The following ANXA13 variants were observed in gnomAD, a reference collection of about 807,000 sequenced individuals.
The protein encoded by ANXA13 is annexin A13.
A neutral mutation model predicts 46.6 loss-of-function variants in ANXA13; 36 were observed. The ratio of observed to expected loss-of-function variants is 0.77; its 90% CI spans 0.59 to 1.02. The LOEUF (loss-of-function observed/expected upper bound fraction) is 1.02. ANXA13 is among the 50% of genes least tolerant of loss of function. ANXA13 has a pLI of 0.00. For missense variants in ANXA13, 417 were observed against 396.5 expected, an observed-to-expected ratio of 1.05 and a Z score of -0.44; for synonymous variants, 163 against 152.9, an observed-to-expected ratio of 1.07 and a Z score of -0.49.
At chr8:123,681,449 G>T in intron 10 of ANXA13, 90 bp from the exon 11 acceptor site, 3 of 1,308,122 alleles carry the variant, frequency 2.3e-6, no homozygotes, top group Middle Eastern at 1.9e-4. Flanking sequence ...ATACTCATTT[G>T]CTCATTCATG....
chr8:123,681,621 T>TC (rs1416654845), intron 10 of ANXA13, among the ~76,000 whole-genome samples: 1 of 42,242 alleles, frequency 2.4e-5, no homozygotes, highest in Non-Finnish European at 4.7e-5. Flanking sequence ...TTGAATTTCT[T>TC]TTTTTTTTTT....
intron 1 of ANXA13, among the ~76,000 whole-genome samples, chr8:123,730,438 C>T (rs1814093763): frequency 1.3e-5 from 2 of 152,106 alleles, no homozygotes; most frequent in South Asian, 4.1e-4. Flanking sequence ...GAAAGCCTTC[C>T]AAGGAACTCT....
chr8:123,732,219 A>T (rs1814131753), intron 1 of ANXA13, among the ~76,000 whole-genome samples: 1 of 152,204 alleles, frequency 6.6e-6, no homozygotes, highest in Admixed American at 6.5e-5. Flanking sequence ...TCTTTGCCTT[A>T]CTTTCCCCAT....
chr8:123,727,285 T>A (rs1186823301), intron 1 of ANXA13, among the ~76,000 whole-genome samples: 2 of 152,224 alleles, frequency 1.3e-5, no homozygotes, highest in Non-Finnish European at 2.9e-5. Flanking sequence ...GCTGCTGCTG[T>A]CATCAACAGG....
chr8:123,707,510 C>T (rs922483816), intron 2 of ANXA13, among the ~76,000 whole-genome samples: 2 of 152,048 alleles, frequency 1.3e-5, no homozygotes, highest in African/African-American at 4.8e-5. Context: ...GAATACTATG[C>T]AGCCATAAAA....
chr8:123,731,106 C>T (rs1308443994), intron 1 of ANXA13, among the ~76,000 whole-genome samples: 1 of 152,196 alleles, frequency 6.6e-6, no homozygotes, highest in African/African-American at 2.4e-5. Context: ...AAGGCTTGTT[C>T]AGATGCAGAT....
chr8:123,719,901 G>C (rs1813829073), intron 1 of ANXA13, among the ~76,000 whole-genome samples: 1 of 152,192 alleles, frequency 6.6e-6, no homozygotes, highest in African/African-American at 2.4e-5. Flanking sequence ...CCTGTGCATG[G>C]GGTGGTGTGC....
At chr8:123,720,177 G>C (rs979646703) in intron 1 of ANXA13, among the ~76,000 whole-genome samples, 2 of 152,288 alleles carry the variant, frequency 1.3e-5, no homozygotes, top group African/African-American at 4.8e-5. Context: ...TGTGAGCCAG[G>C]AGGGGCCCCC....
intron 9 of ANXA13, among the ~76,000 whole-genome samples, chr8:123,687,540 A>T (rs1171472883): frequency 6.6e-6 from 1 of 152,102 alleles, no homozygotes; most frequent in Non-Finnish European, 1.5e-5. Context: ...AATGCCAGGG[A>T]TTTTTAGGCC....
intron 1 of ANXA13, among the ~76,000 whole-genome samples, chr8:123,722,917 CT>C (rs1813912224): frequency 6.6e-6 from 1 of 152,080 alleles, no homozygotes; most frequent in African/African-American, 2.4e-5. Flanking sequence ...GTATCTTTCC[CT>C]TCAAGTAGAG....
At chr8:123,735,824 G>A (rs904842896) in intron 1 of ANXA13, 1 of 1,612,144 alleles carries the variant, frequency 6.2e-7, no homozygotes, top group African/African-American at 1.3e-5. Context: ...TCGAGGGTTG[G>A]GAGTCCCCTT....
intron 2 of ANXA13, among the ~76,000 whole-genome samples, chr8:123,711,425 C>T (rs181482553): frequency 6.6e-6 from 1 of 152,194 alleles, no homozygotes; most frequent in African/African-American, 2.4e-5. Context: ...GATCCCAGGG[C>T]CTCTCTTCAT....
intron 8 of ANXA13, among the ~76,000 whole-genome samples, chr8:123,689,577 G>A (rs553621839): frequency 1.5e-4 from 23 of 152,262 alleles, no homozygotes; most frequent in Admixed American, 1.5e-3. Context: ...TCACTCTGGG[G>A]TGATTCCAAA....
rs149990280 is a variant in ANXA13 at position 123,730,506 on chromosome 8, G to C, written c.15+6814C>G. 3.3e-5 allele frequency among the ~76,000 whole-genome samples: 5 copies of C among 152,214 alleles called. No homozygotes were observed. In the East Asian group the frequency reaches 9.7e-4, roughly 29 times the overall value. ...AAGGAAATAAAATCTAATTTCCTTA[G>C]TGTCGTAGGTTGAACAGTATCACCC... is the stretch of plus-strand genomic sequence containing the variant. On this transcript the variant is annotated intron_variant, in intron 1 of 10. Coordinates refer to ENST00000419625, the MANE Select transcript of ANXA13 (RefSeq NM_004306.4).
chr8:123,717,755 C>G (rs968218189), intron 1 of ANXA13, among the ~76,000 whole-genome samples: 4 of 152,200 alleles, frequency 2.6e-5, no homozygotes, highest in Admixed American at 6.5e-5. Context: ...TGGCTGCACT[C>G]TAGTAGGGAG....
At chr8:123,712,083 C>T (rs2129897360) in intron 2 of ANXA13, 1 of 154,874 alleles carries the variant, frequency 6.5e-6, no homozygotes, top group Middle Eastern at 3.4e-3. Context: ...ATAATTCCCA[C>T]ATGTTGTGGG....
intron 1 of ANXA13, among the ~76,000 whole-genome samples, chr8:123,717,994 C>G (rs1311963267): frequency 6.6e-6 from 1 of 152,236 alleles, no homozygotes; most frequent in Admixed American, 6.5e-5. Context: ...TCGCTTGCGC[C>G]CAGAGAAAGA....
At chr8:123,718,122 A>G (rs1023079455) in intron 1 of ANXA13, among the ~76,000 whole-genome samples, 5 of 152,358 alleles carry the variant, frequency 3.3e-5, no homozygotes, top group African/African-American at 9.6e-5. Context: ...GGATAATAAT[A>G]GTTCCTACCA....
At chr8:123,701,203 G>T (rs190805724) in intron 3 of ANXA13, among the ~76,000 whole-genome samples, 1 of 152,152 alleles carries the variant, frequency 6.6e-6, no homozygotes, top group African/African-American at 2.4e-5. Context: ...GGCCAGGCAC[G>T]GTGGCTCACA....
Sources: allele counts gnomAD v4.1 joint callset (sites outside exome capture counted in the v4.1 genomes callset), GRCh38; gene constraint gnomAD v4.1.1; transcripts MANE v1.5; gene names NCBI Gene and HGNC (gene_info 2026-07-23, HGNC 2026-07-21).